Variants in DMTF1 observed in about 807,000 individuals in gnomAD.
DMTF1 encodes the protein cyclin-D-binding Myb-like transcription factor 1.
DMTF1 carries 39 observed loss-of-function variants against 91.1 expected under a neutral mutation model. The observed-to-expected ratio is 0.43, with a 90% confidence interval of 0.33 to 0.56. The LOEUF is 0.56. Ranked by LOEUF, DMTF1 falls within the 20% of genes least tolerant of loss-of-function variation. The pLI, the probability that DMTF1 is intolerant of heterozygous loss-of-function variation, is 0.05. For synonymous variants in DMTF1, 338 were observed against 309.5 expected, an observed-to-expected ratio of 1.09 and a Z score of -0.97; for missense variants, 750 against 914.5, an observed-to-expected ratio of 0.82 and a Z score of 2.32.
rs1800334456 is a variant in DMTF1, at chr7:87,193,314, T to C, written c.1611T>C (p.Ala537=). 2 of 1,613,428 alleles carry C rather than the reference T, an allele frequency of 1.2e-6. No homozygotes were observed. Among genetic ancestry groups the C allele is most frequent in the East Asian group, 4.5e-5 (2 of 44,852 alleles). The change falls in exon 15 of 18, where the codon GCT becomes GCC. Residue 537 remains alanine, a synonymous_variant. Transcript: ENST00000331242. ...ASPTVTLTAA[A]PASPEQIIVH... ...CCACAGTAACCCTGACAGCTGCTGC[T>C]CCTGCTTCTCCTGAACAGATTATTG...
chr7:87,152,825 C>A, intron 1 of DMTF1: 1 of 155,108 alleles, frequency 6.4e-6, no homozygotes, highest in Non-Finnish European at 1.5e-5. Context: ...GGCACAGCGG[C>A]GATCCGGCGG....
chr7:87,182,475 T>A (rs1797569013), intron 10 of DMTF1, 138 bp downstream of exon 10: 1 of 746,600 alleles, frequency 1.3e-6, no homozygotes, highest in African/African-American at 1.8e-5. Context: ...AGTCTTCCTT[T>A]TCCTTGAGCT....
At chr7:87,179,723 G>T in intron 8 of DMTF1, 21 bp downstream of exon 8, 1 of 1,547,260 alleles carries the variant, frequency 6.5e-7, no homozygotes. Context: ...TTGTAATGCT[G>T]CATGTTTTCA....
Position 87,190,967 on chromosome 7 carries a change from C to T in DMTF1, c.1434C>T (p.Thr478=), listed in dbSNP as rs773004621. ...THVSSADSPA[T]VDSETITLNS... ...CAGCTTCAGCAGACTCTCCTGCTAC[C>T]GTTGACTCAGAAACAATAACACTAA... The change falls in exon 14 of 18, where the codon ACC becomes ACT. Residue 478 remains threonine (T), a synonymous_variant. Coordinates refer to ENST00000331242, the MANE Select transcript of DMTF1 (RefSeq NM_001142327.2). The T allele has an allele frequency of 2.7e-5, 44 of 1,610,232 alleles. No individual in the cohort carries two copies. The highest frequency in any genetic ancestry group is 4.4e-5 in the South Asian group (4 of 90,624).
chr7:87,184,931 C>G (rs1798087146), intron 11 of DMTF1: 2 of 498,542 alleles, frequency 4.0e-6, no homozygotes, highest in South Asian at 1.5e-5. Flanking sequence ...TTTCCACTGT[C>G]CCACCAATGT....
chr7:87,191,198 A>G (rs1386520589), intron 14 of DMTF1, among the ~76,000 whole-genome samples, 171 bp downstream of exon 14: 5 of 152,152 alleles, frequency 3.3e-5, no homozygotes, highest in Non-Finnish European at 7.4e-5. Context: ...TCATCTGTAT[A>G]TAAACCAAAA....
At chr7:87,158,168 A>G (rs1410434060) in intron 1 of DMTF1, among the ~76,000 whole-genome samples, 1 of 152,082 alleles carries the variant, frequency 6.6e-6, no homozygotes, top group Non-Finnish European at 1.5e-5. Flanking sequence ...CAGCATTTGT[A>G]TTGATTATTA....
At chr7:87,167,371 G>C (rs563723879) in intron 4 of DMTF1, among the ~76,000 whole-genome samples, 2 of 152,192 alleles carry the variant, frequency 1.3e-5, no homozygotes, top group Non-Finnish European at 2.9e-5. Context: ...TTTCTGATTT[G>C]CTTAGCAAAG....
At chr7:87,172,665 G>GT (rs1243482633) in intron 5 of DMTF1, among the ~76,000 whole-genome samples, 3 of 152,164 alleles carry the variant, frequency 2.0e-5, no homozygotes, top group African/African-American at 7.2e-5. Flanking sequence ...ACTGAATTGG[G>GT]TTCAGTGGTC....
rs1323406001 is a variant in DMTF1 at position 87,196,309 on chromosome 7, AAG to A, written c.*1171_*1172del. ...TGTATATTCAGTTTAACAGAAATAA[AAG>A]AATATTTGTCTTAAGATGCAAGATT... On this transcript the variant is annotated 3_prime_UTR_variant, in exon 18 of 18. Transcript: ENST00000331242. 12 of 196,596 alleles carry A rather than the reference AAG, an allele frequency of 6.1e-5. No individual in the cohort carries two copies. Among genetic ancestry groups the A allele is most frequent in the East Asian group, 1.4e-4 (1 of 6,900 alleles). 12.2% of individuals were successfully genotyped at this position (196,596 alleles called of 1,614,324 possible). A position where few individuals can be genotyped will look rare whatever the true frequency, so the allele number is the denominator to read the frequency against.
intron 4 of DMTF1, among the ~76,000 whole-genome samples, chr7:87,167,511 T>A (rs1794100621): frequency 6.6e-6 from 1 of 152,192 alleles, no homozygotes; most frequent in Admixed American, 6.6e-5. Context: ...GATTTTACAC[T>A]CAGCATCAGG....
intron 16 of DMTF1, 46 bp downstream of exon 16, chr7:87,194,148 C>T: frequency 2.0e-6 from 3 of 1,508,310 alleles, no homozygotes; most frequent in Non-Finnish European, 2.6e-6. Context: ...TGCCTTGAGC[C>T]TCAAACCTGC....
rs781666882 is a variant in DMTF1, at chr7:87,194,685, G to T, written c.2030G>T (p.Gly677Val). ...SDLASAYVTE[G>V]LESPTIEEQV... Reference sequence around the variant, plus strand: ...TATTTTTTTTTTAATGTTATTTAGGGTTTAGAGTCTCCCACTATAGAAGAA... The same window carrying T: ...TATTTTTTTTTTAATGTTATTTAGGTTTTAGAGTCTCCCACTATAGAAGAA... The change falls in exon 17 of 18, where the codon GGT becomes GTT. Residue 677 changes from glycine (G) to valine (V), a missense_variant and splice_region_variant. This residue lies in a region of DMTF1 where 410 missense variants were observed against 420.2 expected (regional missense o/e 0.98). Transcript: ENST00000331242. 19 of 1,602,898 alleles carry T rather than the reference G, an allele frequency of 1.2e-5. No individual in the cohort carries two copies. The highest frequency in any genetic ancestry group is 1.5e-5 in the Non-Finnish European group (18 of 1,172,172).
Position 87,188,162 on chromosome 7 carries a change from A to G in DMTF1, c.1272A>G (p.Ser424=). The change falls in exon 13 of 18, where the codon TCA becomes TCG. Residue 424 remains serine (S), a synonymous_variant. Transcript: ENST00000331242. ...ACCCAACGCTTTTGGAGAATAAATC[A>G]GGATCTGGAGTTCCAAACAGTAATA... is the stretch of plus-strand genomic sequence containing the variant. ...KNNPTLLENK[S]GSGVPNSNTN... is the part of the protein sequence containing the mutation. 6.2e-7 allele frequency: 1 copy of G among 1,613,994 alleles called. No homozygotes were observed.
At chr7:87,159,118 T>C (rs1288896619) in intron 1 of DMTF1, among the ~76,000 whole-genome samples, 1 of 152,152 alleles carries the variant, frequency 6.6e-6, no homozygotes, top group African/African-American at 2.4e-5. Flanking sequence ...TAGTTATGCA[T>C]GAATAATTCA....
chr7:87,163,430 A>G (rs950792373), intron 1 of DMTF1, 65 bp from the exon 2 acceptor site: 1 of 152,254 alleles, frequency 6.6e-6, no homozygotes. Context: ...TGTCATCAGC[A>G]TACTGCTATA....
At position 87,184,377 on chromosome 7, in the gene DMTF1, G is replaced by T; in HGVS notation, c.821-20G>T. On this transcript the variant is annotated intron_variant, in intron 10 of 17. Coordinates refer to ENST00000331242, the MANE Select transcript of DMTF1 (RefSeq NM_001142327.2). ...TAAAAGAAGTTAGCAGTGGTAGTCT[G>T]GATGATTTCCTTTTTTCAGGGAAGT... is the stretch of plus-strand genomic sequence containing the variant. 1 of 1,607,920 alleles carries T rather than the reference G, an allele frequency of 6.2e-7. No individual in the cohort carries two copies. Among genetic ancestry groups the T allele is most frequent in the East Asian group, 2.2e-5 (1 of 44,696 alleles).
Position 87,186,098 on chromosome 7 carries a change from C to T in DMTF1, c.1201+118C>T, listed in dbSNP as rs28595346. 1.3e-3 allele frequency: 1,300 copies of T among 1,034,130 alleles called. 5 individuals are homozygous for T. The African/African-American group carries it at 0.015, about 12-fold the overall frequency. 64.1% of individuals were successfully genotyped at this position (1,034,130 alleles called of 1,614,324 possible). A position where few individuals can be genotyped will look rare whatever the true frequency, so the allele number is the denominator to read the frequency against. On this transcript the variant is annotated intron_variant, in intron 12 of 17. Transcript: ENST00000331242. ...AGATATCATAGCAGATTTCTACTTA[C>T]ACCACTTCCCTGTTTCTCTCAGTAA... is the stretch of plus-strand genomic sequence containing the variant.
Position 87,171,077 on chromosome 7 carries a change from G to A in DMTF1, c.315G>A (p.Val105=), listed in dbSNP as rs1794959203. Residue 105 remains valine, a synonymous_variant, in exon 5 of 18, where the codon GTG becomes GTA. Transcript: ENST00000331242. ...VADDEVTEGT[V]TQIQILQNEQ... ...ATGATGAGGTTACTGAGGGGACTGT[G>A]ACACAGATACAGGTATAGTAAATCT... 2 of 1,604,222 alleles carry A rather than the reference G, an allele frequency of 1.2e-6. No individual in the cohort carries two copies. The highest frequency in any genetic ancestry group is 8.5e-7 in the Non-Finnish European group (1 of 1,171,456).
Sources: gnomAD v4.1 joint callset for allele counts (sites outside exome capture counted in the v4.1 genomes callset) on GRCh38, gnomAD v4.1.1 for gene constraint, gnomAD v4.1.1 regional missense constraint, MANE v1.5 for transcripts, NCBI Gene and HGNC (gene_info 2026-07-23, HGNC 2026-07-21) for gene names.